The following PLD5 variants were observed in gnomAD, a reference collection of about 807,000 sequenced individuals.
The protein encoded by PLD5 is phospholipase D family member 5.
In PLD5, 36 loss-of-function variants were observed where a neutral mutation model predicts 61.1. The observed-to-expected ratio is 0.59, with a 90% CI of 0.45 to 0.78. The LOEUF is 0.78. Ranked by LOEUF, PLD5 falls within the 30% of genes least tolerant of loss-of-function variation. The pLI is 0.00. For missense variants in PLD5, 515 were observed against 644.4 expected, an observed-to-expected ratio of 0.80 and a Z score of 2.17; for synonymous variants, 243 against 242.8, an observed-to-expected ratio of 1.00 and a Z score of -0.01.
chr1:242,220,107 C>A lies in PLD5; in HGVS notation c.616G>T (p.Val206Leu). The change falls in exon 5 of 10, where the codon GTG becomes TTG. Residue 206 changes from valine (V) to leucine (L), a missense_variant. By Grantham distance (32) the Val-to-Leu change is conservative. Coordinates refer to ENST00000536534, the MANE Select transcript of PLD5 (RefSeq NM_001372062.1). ...TAAGCGGTCATGTTCATGTACGTCA[C>A]CTCGGCTCCTAGGAGTTCAAGGACA... is the stretch of plus-strand genomic sequence containing the variant. ...LEALKLKGAE[V>L]TYMNMTAYNK... The A allele has an allele frequency of 1.2e-6, 2 of 1,614,124 alleles. No homozygotes were observed. Among genetic ancestry groups the A allele is most frequent in the Non-Finnish European group, 1.7e-6 (2 of 1,179,994 alleles).
At chr1:242,425,234 T>G (rs940665470) in intron 1 of PLD5, among the ~76,000 whole-genome samples, 1 of 152,228 alleles carries the variant, frequency 6.6e-6, no homozygotes, top group Non-Finnish European at 1.5e-5. Context: ...TGGAGTGCAC[T>G]TGCGCAAACC....
intron 1 of PLD5, among the ~76,000 whole-genome samples, chr1:242,436,845 A>G (rs1666018929): frequency 6.6e-6 from 1 of 152,236 alleles, no homozygotes; most frequent in African/African-American, 2.4e-5. Flanking sequence ...GTAAGCAAAT[A>G]TTTCTATTAC....
intron 7 of PLD5, among the ~76,000 whole-genome samples, chr1:242,109,704 CATT>C (rs1261888518): frequency 2.0e-5 from 3 of 151,926 alleles, no homozygotes; most frequent in Non-Finnish European, 4.4e-5. Context: ...ACAAATTCCT[CATT>C]ATTTTTTTTC....
chr1:242,494,201 G>A (rs190871810), intron 1 of PLD5, among the ~76,000 whole-genome samples: 52 of 150,626 alleles, frequency 3.5e-4, no homozygotes, highest in African/African-American at 1.2e-3. Context: ...ATTCTAACTC[G>A]GGCCAAATGG....
At chr1:242,428,439 T>C (rs1272582205) in intron 1 of PLD5, among the ~76,000 whole-genome samples, 1 of 152,212 alleles carries the variant, frequency 6.6e-6, no homozygotes, top group Non-Finnish European at 1.5e-5. Context: ...GAGTTACCAG[T>C]GAACAGTGGT....
chr1:242,381,744 C>A (rs900798365), intron 1 of PLD5, among the ~76,000 whole-genome samples: 5 of 152,136 alleles, frequency 3.3e-5, no homozygotes, highest in African/African-American at 9.7e-5. Flanking sequence ...AATCTTCCAA[C>A]CTGCTAGACT....
chr1:242,246,478 AACAC>A (rs34723926), intron 4 of PLD5, among the ~76,000 whole-genome samples: 12,537 of 141,148 alleles, frequency 0.089, 855 homozygotes, highest in East Asian at 0.3. Context: ...TAGAAAAGAC[AACAC>A]ACACACACAC....
rs986530207 is a variant in PLD5 at position 242,087,777 on chromosome 1, G to A, written c.*2077C>T. The A allele has an allele frequency of 6.6e-6, 1 of 152,066 alleles. No individual in the cohort carries two copies. The highest frequency in any genetic ancestry group is 1.5e-5 in the Non-Finnish European group (1 of 68,028). 9.4% of individuals were successfully genotyped at this position (152,066 alleles called of 1,614,324 possible). On this transcript the variant is annotated 3_prime_UTR_variant, in exon 10 of 10. Coordinates refer to ENST00000536534, the MANE Select transcript of PLD5 (RefSeq NM_001372062.1). ...TTTTTAAAATCATCACCAAAGCCAC[G>A]TTTACTTTATTGGGATAACTGGCAG...
chr1:242,464,743 C>T (rs956712326), intron 1 of PLD5, among the ~76,000 whole-genome samples: 1 of 152,162 alleles, frequency 6.6e-6, no homozygotes, highest in African/African-American at 2.4e-5. Context: ...GCAGTGGAAA[C>T]AGCCCAAATG....
intron 3 of PLD5, among the ~76,000 whole-genome samples, chr1:242,276,295 C>A (rs1438635417): frequency 6.6e-6 from 1 of 151,000 alleles, no homozygotes; most frequent in Non-Finnish European, 1.5e-5. Flanking sequence ...TATGATTGTG[C>A]CACTGCTGCC....
At chr1:242,372,552 A>T (rs1031935794) in intron 1 of PLD5, among the ~76,000 whole-genome samples, 9 of 152,162 alleles carry the variant, frequency 5.9e-5, no homozygotes, top group Non-Finnish European at 1.0e-4. Flanking sequence ...ATACTACAAG[A>T]TTACAGTAAC....
intron 2 of PLD5, among the ~76,000 whole-genome samples, chr1:242,308,668 A>T (rs1489289246): frequency 7.5e-6 from 1 of 133,998 alleles, no homozygotes; most frequent in Non-Finnish European, 1.8e-5. Flanking sequence ...ACATGAAATG[A>T]AAAAAAAATT....
chr1:242,268,527 A>T (rs1435644435), intron 3 of PLD5, among the ~76,000 whole-genome samples: 1 of 152,180 alleles, frequency 6.6e-6, no homozygotes, highest in Admixed American at 6.5e-5. Context: ...AGAAATTCCA[A>T]AATCTACAGA....
At chr1:242,170,713 T>C (rs1370391285) in intron 5 of PLD5, among the ~76,000 whole-genome samples, 2 of 152,132 alleles carry the variant, frequency 1.3e-5, no homozygotes, top group Non-Finnish European at 2.9e-5. Flanking sequence ...AGAATGTAAA[T>C]GACCCGATGG....
intron 5 of PLD5, among the ~76,000 whole-genome samples, chr1:242,179,641 G>T (rs191480434): frequency 2.0e-5 from 3 of 152,154 alleles, no homozygotes; most frequent in Non-Finnish European, 4.4e-5. Flanking sequence ...AGTGGCTCAC[G>T]TCTGTAATCC....
intron 1 of PLD5, among the ~76,000 whole-genome samples, chr1:242,365,980 G>T (rs1661320044): frequency 6.6e-6 from 1 of 152,132 alleles, no homozygotes; most frequent in Admixed American, 6.6e-5. Flanking sequence ...TCCAGGTTTA[G>T]GTGGCATCAT....
At chr1:242,389,413 A>G (rs1333662284) in intron 1 of PLD5, among the ~76,000 whole-genome samples, 3 of 152,126 alleles carry the variant, frequency 2.0e-5, no homozygotes, top group South Asian at 2.1e-4. Flanking sequence ...TGGGCCATCA[A>G]TGTAATAAGT....
At chr1:242,156,266 CCTGAAT>C (rs1665359962) in intron 5 of PLD5, among the ~76,000 whole-genome samples, 1 of 152,138 alleles carries the variant, frequency 6.6e-6, no homozygotes. Flanking sequence ...AGATGGGTCT[CCTGAAT>C]ACAGCAGACT....
chr1:242,499,401 A>G (rs7418669), intron 1 of PLD5, among the ~76,000 whole-genome samples: 4,758 of 152,320 alleles, frequency 0.031, 251 homozygotes, highest in African/African-American at 0.11. Flanking sequence ...TCTACCAATA[A>G]TAGTTATGCT....
Sources: allele counts gnomAD v4.1 joint callset (sites outside exome capture counted in the v4.1 genomes callset), GRCh38; gene constraint gnomAD v4.1.1; transcripts MANE v1.5; gene names NCBI Gene and HGNC (gene_info 2026-07-23, HGNC 2026-07-21).